The following PRELID2 variants were observed in gnomAD, a reference collection of about 807,000 sequenced individuals.
PRELID2 encodes the protein PRELI domain-containing protein 2.
PRELID2 carries 25 observed loss-of-function variants against 28.4 expected under a neutral mutation model. The ratio of observed to expected loss-of-function variants is 0.88; its 90% CI spans 0.64 to 1.23. The LOEUF (loss-of-function observed/expected upper bound fraction) is 1.23, where lower values mean the gene tolerates loss of function less well. Among genes scored for constraint, PRELID2 ranks in the 50% most tolerant of loss-of-function variants. The pLI is 0.00. For synonymous variants in PRELID2, 76 were observed against 71.6 expected (o/e 1.06, Z -0.31); for missense variants, 201 against 214.4 (o/e 0.94, Z 0.39).
intron 1 of PRELID2, among the ~76,000 whole-genome samples, chr5:145,707,966 C>T (rs1365637231): frequency 6.6e-6 from 1 of 152,156 alleles, no homozygotes; most frequent in Admixed American, 6.5e-5. Flanking sequence ...CTTTTCACCT[C>T]AAAAGATGCC....
chr5:145,358,647 A>G, the PRELID2 span, among the ~76,000 whole-genome samples: 3 of 152,178 alleles, frequency 2.0e-5, no homozygotes, highest in African/African-American at 7.2e-5. Flanking sequence ...CATCTCTTTA[A>G]TGTAATGGAA....
the PRELID2 span, among the ~76,000 whole-genome samples, chr5:145,277,834 T>C: frequency 6.6e-6 from 1 of 152,164 alleles, no homozygotes; most frequent in South Asian, 2.1e-4. Context: ...GGGTCAGCAG[T>C]AGCTGATGTT....
At chr5:145,546,051 C>T (rs769826470) in intron 1 of PRELID2, among the ~76,000 whole-genome samples, 1 of 152,080 alleles carries the variant, frequency 6.6e-6, no homozygotes, top group Non-Finnish European at 1.5e-5. Flanking sequence ...CACAGATATC[C>T]TGGATCAGAA....
At chr5:145,640,599 G>A (rs1299052029) in intron 1 of PRELID2, among the ~76,000 whole-genome samples, 26 of 148,066 alleles carry the variant, frequency 1.8e-4, no homozygotes, top group South Asian at 4.3e-4. Flanking sequence ...ATCCGAGATC[G>A]CGCCACTGCA....
At chr5:145,691,714 T>A (rs188580399) in intron 1 of PRELID2, among the ~76,000 whole-genome samples, 1 of 151,616 alleles carries the variant, frequency 6.6e-6, no homozygotes, top group East Asian at 1.9e-4. Flanking sequence ...TGAGACTCCA[T>A]CTCAAAAAAA....
the PRELID2 span, among the ~76,000 whole-genome samples, chr5:145,397,022 A>T: frequency 1.3e-5 from 2 of 152,146 alleles, no homozygotes; most frequent in East Asian, 1.9e-4. Context: ...TACTAAGGGC[A>T]CTGGGGAGCA....
chr5:145,378,697 A>G, the PRELID2 span, among the ~76,000 whole-genome samples: 1 of 152,096 alleles, frequency 6.6e-6, no homozygotes, highest in African/African-American at 2.4e-5. Flanking sequence ...TTGTTTTATT[A>G]TACTTTTTAG....
the PRELID2 span, among the ~76,000 whole-genome samples, chr5:145,325,724 G>A: frequency 3.3e-5 from 5 of 152,060 alleles, no homozygotes; most frequent in Admixed American, 3.3e-4. Context: ...TACCTGGCCT[G>A]CCTCTACAGT....
At chr5:145,831,397 G>C (rs1217746627) in intron 1 of PRELID2, among the ~76,000 whole-genome samples, 1 of 152,224 alleles carries the variant, frequency 6.6e-6, no homozygotes, top group Non-Finnish European at 1.5e-5. Flanking sequence ...TGAGCTTATG[G>C]AGTGGACCCC....
At chr5:145,574,779 G>T (rs1198011238) in intron 1 of PRELID2, among the ~76,000 whole-genome samples, 2 of 152,104 alleles carry the variant, frequency 1.3e-5, no homozygotes, top group African/African-American at 4.8e-5. Context: ...CATATAACCT[G>T]TGTATATCCT....
At chr5:145,676,708 A>T (rs942320055) in intron 1 of PRELID2, among the ~76,000 whole-genome samples, 3 of 152,220 alleles carry the variant, frequency 2.0e-5, no homozygotes, top group Non-Finnish European at 4.4e-5. Flanking sequence ...GATATAAATA[A>T]ACACCACCAT....
intron 1 of PRELID2, among the ~76,000 whole-genome samples, chr5:145,579,083 G>A (rs2149623334): frequency 6.6e-6 from 1 of 152,166 alleles, no homozygotes; most frequent in Admixed American, 6.6e-5. Context: ...TTGTTCACTT[G>A]TAAAATAGGA....
chr5:145,764,967 G>C lies in PRELID2; in HGVS notation c.508C>G (p.Gln170Glu), dbSNP rs375236801. ...TATTCAGCTAAGGGGGCACCACACTGTTCCTTTAGCAGCATCTCCATGATT... is the reference window on the plus strand; with the variant it reads ...TATTCAGCTAAGGGGGCACCACACTCTTCCTTTAGCAGCATCTCCATGATT... ...IRIMEMLLKE[Q>E]CGAPLAE Residue 170 changes from glutamine to glutamate, a missense_variant, in exon 6 of 7, where the codon CAG (glutamine) becomes GAG (glutamate). Gln to Glu is a conservative substitution (Grantham distance 29). Coordinates refer to ENST00000683046, the MANE Select transcript of PRELID2 (RefSeq NM_205846.3). The C allele has an allele frequency of 5.0e-6, 8 of 1,611,472 alleles. No homozygotes were observed. Among genetic ancestry groups the C allele is most frequent in the Non-Finnish European group, 6.8e-6 (8 of 1,178,962 alleles).
chr5:145,737,230 A>T (rs1011722974), intron 1 of PRELID2, among the ~76,000 whole-genome samples: 4 of 152,004 alleles, frequency 2.6e-5, no homozygotes, highest in African/African-American at 9.7e-5. Context: ...TTACAAGAAG[A>T]AGCATAGGGT....
intron 1 of PRELID2, among the ~76,000 whole-genome samples, chr5:145,682,204 G>A (rs914804611): frequency 6.6e-6 from 1 of 152,162 alleles, no homozygotes; most frequent in Non-Finnish European, 1.5e-5. Context: ...AAAATAAAAA[G>A]CCACAAAGAG....
chr5:145,334,829 A>T, the PRELID2 span, among the ~76,000 whole-genome samples: 2 of 147,618 alleles, frequency 1.4e-5, no homozygotes, highest in Non-Finnish European at 3.0e-5. Flanking sequence ...CTTGGAGTGC[A>T]GTTTCTACTG....
intron 1 of PRELID2, among the ~76,000 whole-genome samples, chr5:145,697,078 T>TATATATAC (rs1554084259): frequency 3.0e-5 from 3 of 98,910 alleles, no homozygotes; most frequent in East Asian, 2.6e-4. Flanking sequence ...TATATATATA[T>TATATATAC]ATACACACAC....
chr5:145,728,464 A>G, intron 1 of PRELID2: 1 of 626,090 alleles, frequency 1.6e-6, no homozygotes, highest in Non-Finnish European at 2.9e-6. Context: ...AACCAGATTG[A>G]AGGGAACAGG....
chr5:145,698,042 AC>A (rs1231875946), intron 1 of PRELID2, among the ~76,000 whole-genome samples: 1 of 152,080 alleles, frequency 6.6e-6, no homozygotes, highest in African/African-American at 2.4e-5. Flanking sequence ...GCAATTCAAA[AC>A]ATAAATGCAA....
Sources: gnomAD v4.1 joint callset for allele counts (sites outside exome capture counted in the v4.1 genomes callset) on GRCh38, gnomAD v4.1.1 for gene constraint, MANE v1.5 for transcripts, NCBI Gene and HGNC (gene_info 2026-07-23, HGNC 2026-07-21) for gene names.